The following THRB variants were observed in gnomAD, a reference collection of about 807,000 sequenced individuals.
The protein encoded by THRB is nuclear receptor subfamily 1 group A member 2.
THRB carries 12 observed loss-of-function variants against 47.8 expected under a neutral mutation model. That is an observed-to-expected ratio of 0.25 (90% confidence interval 0.16 to 0.41). THRB has a LOEUF of 0.41. Among genes scored for constraint, THRB ranks in the 10% least tolerant of loss-of-function variants. The probability of loss-of-function intolerance (pLI) is 1.00; values close to 1 mark genes in which losing one functional copy is unlikely to be tolerated. For missense variants in THRB, 348 were observed against 589.2 expected (o/e 0.59, Z 4.24); for synonymous variants, 218 against 212.2 (o/e 1.03, Z -0.24).
At chr3:24,291,565 TAATGCAATGTA>T (rs1190173994) in intron 3 of THRB, among the ~76,000 whole-genome samples, 18 of 152,208 alleles carry the variant, frequency 1.2e-4, no homozygotes, top group Admixed American at 1.1e-3. Flanking sequence ...TTATGATACA[TAATGCAATGTA>T]AATGCTATGT....
chr3:24,494,625 G>A (rs1051178535), intron 1 of THRB, 27 bp downstream of exon 1: 1 of 148,960 alleles, frequency 6.7e-6, no homozygotes. Context: ...GTGGACAGTT[G>A]GAACTGTCGC....
chr3:24,224,791 A>G (rs1462029870), intron 4 of THRB, among the ~76,000 whole-genome samples: 1 of 152,220 alleles, frequency 6.6e-6, no homozygotes, highest in Non-Finnish European at 1.5e-5. Flanking sequence ...TTCAAATTTG[A>G]GAAGTGGAAG....
At chr3:24,287,849 G>A (rs1214243668) in intron 3 of THRB, among the ~76,000 whole-genome samples, 1 of 152,014 alleles carries the variant, frequency 6.6e-6, no homozygotes, top group African/African-American at 2.4e-5. Flanking sequence ...ACCCTACTTT[G>A]GCATGAACTT....
At chr3:24,342,140 T>G (rs2062697267) in intron 1 of THRB, among the ~76,000 whole-genome samples, 1 of 109,962 alleles carries the variant, frequency 9.1e-6, no homozygotes, top group Non-Finnish European at 1.9e-5. Context: ...AGAGGGCTTA[T>G]CCCTGTTGCG....
chr3:24,482,394 A>G (rs1696577085), intron 1 of THRB, among the ~76,000 whole-genome samples: 1 of 152,228 alleles, frequency 6.6e-6, no homozygotes, highest in Admixed American at 6.5e-5. Flanking sequence ...CAGAGACCAT[A>G]GCTGGAAGGT....
chr3:24,249,059 G>A (rs570972201), intron 3 of THRB, among the ~76,000 whole-genome samples: 1 of 152,286 alleles, frequency 6.6e-6, no homozygotes, highest in Non-Finnish European at 1.5e-5. Context: ...TGAAAGTGCA[G>A]TAGCAGAAAC....
intron 1 of THRB, among the ~76,000 whole-genome samples, chr3:24,444,960 T>C (rs763714370): frequency 1.3e-5 from 2 of 152,024 alleles, no homozygotes; most frequent in Admixed American, 1.3e-4. Flanking sequence ...TAAAATAAAT[T>C]TAAAATACAG....
chr3:24,187,086 C>T (rs2042690814), intron 5 of THRB, among the ~76,000 whole-genome samples: 1 of 151,910 alleles, frequency 6.6e-6, no homozygotes, highest in Non-Finnish European at 1.5e-5. Context: ...AAATCTGGTC[C>T]ATTATGGAGC....
chr3:24,386,283 G>T (rs1390218463), intron 1 of THRB, among the ~76,000 whole-genome samples: 2 of 151,946 alleles, frequency 1.3e-5, no homozygotes, highest in Non-Finnish European at 2.9e-5. Context: ...CTTTCTACTT[G>T]CCCTGTTCTT....
chr3:24,476,588 A>G (rs1175409108), intron 1 of THRB, among the ~76,000 whole-genome samples: 2 of 152,342 alleles, frequency 1.3e-5, no homozygotes, highest in East Asian at 1.9e-4. Flanking sequence ...ACGGAACCGC[A>G]CTACCAATTT....
At chr3:24,243,808 G>C (rs2049830886) in intron 3 of THRB, among the ~76,000 whole-genome samples, 1 of 152,098 alleles carries the variant, frequency 6.6e-6, no homozygotes, top group Non-Finnish European at 1.5e-5. Flanking sequence ...ATGACCCCAA[G>C]TGCTAACACA....
intron 5 of THRB, among the ~76,000 whole-genome samples, chr3:24,175,906 T>A (rs2041088031): frequency 6.7e-6 from 1 of 150,226 alleles, no homozygotes; most frequent in African/African-American, 2.4e-5. Flanking sequence ...AGGGAAAAGG[T>A]TAGTATTGAA....
intron 1 of THRB, among the ~76,000 whole-genome samples, chr3:24,372,228 T>C (rs1246675515): frequency 6.6e-6 from 1 of 152,088 alleles, no homozygotes; most frequent in Non-Finnish European, 1.5e-5. Flanking sequence ...CAATTTATAG[T>C]ATTTGCTGAT....
intron 4 of THRB, among the ~76,000 whole-genome samples, chr3:24,204,012 C>T (rs1196638483): frequency 6.6e-6 from 1 of 152,272 alleles, no homozygotes; most frequent in African/African-American, 2.4e-5. Context: ...AGCCGGGAAG[C>T]TCGAACTGGG....
At chr3:24,167,029 C>T (rs1425635267) in intron 5 of THRB, among the ~76,000 whole-genome samples, 1 of 151,992 alleles carries the variant, frequency 6.6e-6, no homozygotes, top group African/African-American at 2.4e-5. Context: ...CAATAAGTAG[C>T]TTAATAGCAT....
At chr3:24,340,128 T>A (rs931160108) in intron 1 of THRB, among the ~76,000 whole-genome samples, 1 of 152,234 alleles carries the variant, frequency 6.6e-6, no homozygotes, top group Non-Finnish European at 1.5e-5. Context: ...CCCTTTAACT[T>A]GGTTTACTAA....
intron 3 of THRB, among the ~76,000 whole-genome samples, chr3:24,272,310 C>T (rs2053422578): frequency 6.6e-6 from 1 of 151,822 alleles, no homozygotes; most frequent in African/African-American, 2.4e-5. Context: ...CGCACCACTG[C>T]ACTCTAGTCT....
At chr3:24,299,951 C>T (rs1433477467) in intron 2 of THRB, among the ~76,000 whole-genome samples, 2 of 151,768 alleles carry the variant, frequency 1.3e-5, no homozygotes, top group East Asian at 1.9e-4. Context: ...TTGCACATCC[C>T]AACACTGACT....
intron 1 of THRB, among the ~76,000 whole-genome samples, chr3:24,405,396 C>A (rs2067739803): frequency 6.6e-6 from 1 of 151,926 alleles, no homozygotes; most frequent in African/African-American, 2.4e-5. Flanking sequence ...TTAGTAGTAG[C>A]AAAATAGACT....
Sources: allele counts gnomAD v4.1 joint callset (sites outside exome capture counted in the v4.1 genomes callset), GRCh38; gene constraint gnomAD v4.1.1; transcripts MANE v1.5; gene names NCBI Gene and HGNC (gene_info 2026-07-23, HGNC 2026-07-21).